PRORP: variants seen among roughly 807,000 people sequenced by gnomAD.
PRORP encodes the protein mitochondrial ribonuclease P catalytic subunit.
A neutral mutation model predicts 59.4 loss-of-function variants in PRORP; 51 were observed. That is an observed-to-expected ratio of 0.86 (90% confidence interval 0.69 to 1.08). The LOEUF (loss-of-function observed/expected upper bound fraction) is 1.08. Among genes scored for constraint, PRORP ranks in the 50% least tolerant of loss-of-function variants. The pLI, the probability that PRORP is intolerant of heterozygous loss-of-function variation, is 0.00. For synonymous variants in PRORP, 231 were observed against 245.6 expected, an observed-to-expected ratio of 0.94 and a Z score of 0.55; for missense variants, 646 against 690.3, an observed-to-expected ratio of 0.94 and a Z score of 0.72.
At chr14:35,207,097 A>ATT (rs201608588) in intron 5 of PRORP, among the ~76,000 whole-genome samples, 3 of 151,050 alleles carry the variant, frequency 2.0e-5, no homozygotes, top group Admixed American at 2.0e-4. Flanking sequence ...TGTATCTTTT[A>ATT]TTTTTTTTTC....
rs909582627 is a variant in PRORP, at chr14:35,270,306, A to G, written c.1425-95A>G. 33 of 1,177,404 alleles carry G rather than the reference A, an allele frequency of 2.8e-5. No homozygotes were observed. The African/African-American group carries it at 4.6e-4, about 16-fold the overall frequency. The allele number at this position is 1,177,404 out of a possible 1,614,324, so 72.9% of individuals were successfully genotyped here. A position where few individuals can be genotyped will look rare whatever the true frequency, so the allele number is the denominator to read the frequency against. On this transcript the variant is annotated intron_variant, in intron 6 of 7. Coordinates refer to ENST00000534898, the MANE Select transcript of PRORP (RefSeq NM_014672.4). ...TCATGTTGGTCAAGAAATCAGAGGCACCTCCAAGGAAAGTAAGTAAAAAGT... is the reference window on the plus strand; with the variant it reads ...TCATGTTGGTCAAGAAATCAGAGGCGCCTCCAAGGAAAGTAAGTAAAAAGT...
rs952476114 is a variant in PRORP, at chr14:35,123,374, G to T, written c.129G>T (p.Gln43His). The change falls in exon 2 of 8, where the codon CAG becomes CAT. Residue 43 changes from glutamine to histidine, a missense_variant. Transcript: ENST00000534898. ...LADRCGIRNQ[Q>H]RLFSLKTMSP... ...ACCGCTGTGGCATCAGGAACCAGCA[G>T]AGGTTGTTTTCTCTTAAAACAATGT... 3 of 1,614,036 alleles carry T rather than the reference G, an allele frequency of 1.9e-6. No individual in the cohort carries two copies. The highest frequency in any genetic ancestry group is 2.7e-5 in the African/African-American group (2 of 74,936).
intron 7 of PRORP, among the ~76,000 whole-genome samples, chr14:35,271,887 G>A (rs1038489148): frequency 3.9e-5 from 6 of 152,100 alleles, no homozygotes; most frequent in Admixed American, 6.6e-5. Context: ...TTAGCCAGGC[G>A]TGGTGGCGTG....
At chr14:35,213,538 C>T (rs1401053809) in intron 5 of PRORP, among the ~76,000 whole-genome samples, 1 of 152,132 alleles carries the variant, frequency 6.6e-6, no homozygotes, top group Non-Finnish European at 1.5e-5. Flanking sequence ...TTCAACATGC[C>T]CTCCTCACTA....
intron 5 of PRORP, among the ~76,000 whole-genome samples, chr14:35,230,881 A>T (rs2050059620): frequency 6.6e-6 from 1 of 151,934 alleles, no homozygotes; most frequent in Non-Finnish European, 1.5e-5. Flanking sequence ...AGTGCCTAAG[A>T]TACTACTGAG....
chr14:35,253,232 G>T (rs1566528401), intron 5 of PRORP, among the ~76,000 whole-genome samples: 1 of 151,730 alleles, frequency 6.6e-6, no homozygotes, highest in African/African-American at 2.4e-5. Context: ...TACTCAGGAG[G>T]TGGAGGCGAA....
chr14:35,124,091 A>G lies in PRORP; in HGVS notation c.846A>G (p.Leu282=). ...ATATTGTTCCTATGTTGGAAACTTT[A>G]AAAGCTTTCTTTGATTTTGGAAAAG... The part of the protein sequence containing the change: ...GHDIVPMLET[L]KAFFDFGKDI... Residue 282 remains leucine (L), a synonymous_variant, in exon 2 of 8, where the codon TTA becomes TTG. Transcript: ENST00000534898. The G allele has an allele frequency of 1.2e-6, 2 of 1,613,772 alleles. No individual in the cohort carries two copies. Among genetic ancestry groups the G allele is most frequent in the Non-Finnish European group, 1.7e-6 (2 of 1,179,866 alleles).
intron 4 of PRORP, among the ~76,000 whole-genome samples, chr14:35,140,991 T>TA (rs2047468270): frequency 6.8e-6 from 1 of 146,116 alleles, no homozygotes; most frequent in African/African-American, 2.4e-5. Context: ...CTTTTTAAAA[T>TA]ATTAAACTGA....
At chr14:35,203,449 C>A (rs1356188293) in intron 5 of PRORP, among the ~76,000 whole-genome samples, 2 of 152,178 alleles carry the variant, frequency 1.3e-5, no homozygotes, top group East Asian at 3.9e-4. Context: ...ATCACTTGAC[C>A]CCAGGAAGTG....
chr14:35,172,359 T>G (rs538552061), intron 4 of PRORP, among the ~76,000 whole-genome samples: 5 of 152,028 alleles, frequency 3.3e-5, no homozygotes, highest in African/African-American at 1.2e-4. Context: ...CAATAGTTAC[T>G]TTATAGCTCT....
intron 5 of PRORP, among the ~76,000 whole-genome samples, chr14:35,186,213 C>T (rs2048738340): frequency 6.7e-6 from 1 of 149,830 alleles, no homozygotes; most frequent in South Asian, 2.1e-4. Context: ...TCTTGAACTC[C>T]TGGGCTTAAG....
chr14:35,272,666 G>A (rs1173351803), intron 7 of PRORP, among the ~76,000 whole-genome samples: 2 of 152,106 alleles, frequency 1.3e-5, no homozygotes, highest in African/African-American at 4.8e-5. Context: ...AGATGGGAGG[G>A]CAGCGTATGG....
chr14:35,201,619 T>C (rs1354476612), intron 5 of PRORP, among the ~76,000 whole-genome samples: 2 of 151,636 alleles, frequency 1.3e-5, no homozygotes. Flanking sequence ...AAATGCCTCA[T>C]TGTATACAAA....
chr14:35,157,953 T>C, intron 4 of PRORP: 1 of 199,428 alleles, frequency 5.0e-6, no homozygotes. Flanking sequence ...AGAGTTTTGT[T>C]CTGAAATATG....
intron 5 of PRORP, among the ~76,000 whole-genome samples, chr14:35,216,503 C>G (rs2049599972): frequency 6.6e-6 from 1 of 151,920 alleles, no homozygotes; most frequent in South Asian, 2.1e-4. Context: ...GAGATGAGGT[C>G]TCACTAGGTT....
At chr14:35,250,991 A>G (rs1429352887) in intron 5 of PRORP, among the ~76,000 whole-genome samples, 1 of 152,120 alleles carries the variant, frequency 6.6e-6, no homozygotes, top group Non-Finnish European at 1.5e-5. Flanking sequence ...TATACATTGC[A>G]CACAATTTGT....
At chr14:35,148,603 C>T (rs937263447) in intron 4 of PRORP, among the ~76,000 whole-genome samples, 3 of 152,174 alleles carry the variant, frequency 2.0e-5, no homozygotes, top group Non-Finnish European at 2.9e-5. Flanking sequence ...AATAAAGTCA[C>T]CAGCTGTATT....
upstream of PRORP, chr14:35,121,956 C>A (rs762250628): frequency 6.8e-6 from 11 of 1,614,040 alleles, no homozygotes; most frequent in Admixed American, 3.3e-5. Flanking sequence ...TCTTTCCAGT[C>A]CATGGCCGAC....
In PRORP at chr14:35,123,092, C is replaced by CTTTA. The variant is rs1462276830; in HGVS notation, c.-154_-153insTTTA. On this transcript the variant is annotated 5_prime_UTR_variant, in exon 2 of 8. Transcript: ENST00000534898. ...TCTTGCTTTTAAGTAGCCCCAAAAG[C>CTTTA]AGAACCTTGATTTGTCTGTAAGGAA... 2.6e-5 allele frequency: 20 copies of CTTTA among 777,832 alleles called. No homozygotes were observed. The highest frequency in any genetic ancestry group is 3.8e-4 in the Middle Eastern group (1 of 2,618). 48.2% of individuals were successfully genotyped at this position (777,832 alleles called of 1,614,324 possible).
Sources: allele counts gnomAD v4.1 joint callset (sites outside exome capture counted in the v4.1 genomes callset), GRCh38; gene constraint gnomAD v4.1.1; transcripts MANE v1.5; gene names NCBI Gene and HGNC (gene_info 2026-07-23, HGNC 2026-07-21).